POLA1: variants seen among roughly 807,000 people sequenced by gnomAD.
POLA1 encodes DNA polymerase alpha 1, catalytic subunit, also known as DNA polymerase alpha catalytic subunit.
A neutral mutation model predicts 124.0 loss-of-function variants in POLA1; 15 were observed. The ratio of observed to expected loss-of-function variants is 0.12; its 90% CI spans 0.08 to 0.19. The LOEUF is 0.19. Among genes scored for constraint, POLA1 ranks in the 10% least tolerant of loss-of-function variants. The probability of loss-of-function intolerance (pLI) is 1.00; values close to 1 mark genes in which losing one functional copy is unlikely to be tolerated. For missense variants in POLA1, 886 were observed against 1,103.4 expected, an observed-to-expected ratio of 0.80 and a Z score of 2.79; for synonymous variants, 408 against 389.4, an observed-to-expected ratio of 1.05 and a Z score of -0.56.
intron 36 of POLA1, among the ~76,000 whole-genome samples, chrX:24,971,314 T>G (rs1245180395): frequency 8.9e-6 from 1 of 112,305 alleles, no homozygotes; most frequent in East Asian, 2.8e-4. Context: ...CTGACCTGCT[T>G]TCAGTGCAGA....
chrX:24,994,431 C>T (rs1020970722), intron 36 of POLA1, among the ~76,000 whole-genome samples: 29 of 112,464 alleles, frequency 2.6e-4, no homozygotes, highest in African/African-American at 8.4e-4. Flanking sequence ...GTGAGTGGCG[C>T]GCTCTCCCCT....
At chrX:24,760,642 G>A (rs1251789768) in intron 26 of POLA1, among the ~76,000 whole-genome samples, 1 of 112,056 alleles carries the variant, frequency 8.9e-6, no homozygotes, top group Non-Finnish European at 1.9e-5. Flanking sequence ...GCTGACTGAG[G>A]GAAGACTAAT....
chrX:24,716,247 G>A, intron 6 of POLA1, 115 bp from the exon 7 acceptor site: 1 of 430,910 alleles, frequency 2.3e-6, no homozygotes, highest in African/African-American at 2.5e-5. Flanking sequence ...GGGGGAGGGG[G>A]AAAGGGAAAG....
intron 36 of POLA1, among the ~76,000 whole-genome samples, chrX:24,958,689 T>C (rs1423366182): frequency 1.8e-5 from 2 of 112,111 alleles, no homozygotes; most frequent in Non-Finnish European, 3.8e-5. Context: ...CACACACACA[T>C]ATATTCATGA....
chrX:24,991,169 CTT>C (rs759526888), intron 36 of POLA1, among the ~76,000 whole-genome samples: 2 of 102,663 alleles, frequency 1.9e-5, no homozygotes, highest in Non-Finnish European at 4.0e-5. Context: ...CAATGTGTTT[CTT>C]TTTTTTTTTT....
At chrX:24,892,654 G>A (rs1323349094) in intron 35 of POLA1, among the ~76,000 whole-genome samples, 4 of 111,402 alleles carry the variant, frequency 3.6e-5, no homozygotes, top group African/African-American at 6.5e-5. Flanking sequence ...TCTCATTATC[G>A]AACTGGGATT....
chrX:24,788,884 G>T, intron 26 of POLA1: 1 of 1,200,198 alleles, frequency 8.3e-7, no homozygotes, highest in Non-Finnish European at 1.1e-6. Context: ...TTTCCTTTTC[G>T]TAAGACTTGA....
intron 7 of POLA1, 42 bp from the exon 8 acceptor site, chrX:24,716,842 G>A (rs1929874188): frequency 2.5e-6 from 2 of 813,011 alleles, no homozygotes; most frequent in East Asian, 3.2e-5. Flanking sequence ...CATATTTTTA[G>A]TATGTAGGTC....
intron 36 of POLA1, among the ~76,000 whole-genome samples, chrX:24,978,619 G>A (rs1162127077): frequency 8.9e-6 from 1 of 112,038 alleles, no homozygotes; most frequent in Non-Finnish European, 1.9e-5. Context: ...AGGTACTGCT[G>A]TTGTCCCTAA....
At chrX:24,831,261 A>G (rs1057506721) in intron 32 of POLA1, among the ~76,000 whole-genome samples, 2 of 111,192 alleles carry the variant, frequency 1.8e-5, no homozygotes. Context: ...TACAAAAAAG[A>G]GAGTAAAGTA....
At chrX:24,959,027 G>A (rs901255762) in intron 36 of POLA1, among the ~76,000 whole-genome samples, 11 of 111,751 alleles carry the variant, frequency 9.8e-5, no homozygotes, top group Admixed American at 4.8e-4. Context: ...GTCCAGAAGT[G>A]AAGTCATTGT....
chrX:24,982,725 T>C (rs5944708), intron 36 of POLA1, among the ~76,000 whole-genome samples: 61,272 of 108,634 alleles, frequency 0.56, 14,557 homozygotes, highest in African/African-American at 0.91. Context: ...GGAATTTATC[T>C]TCTCTCCATC....
intron 34 of POLA1, among the ~76,000 whole-genome samples, chrX:24,881,998 G>GT (rs1222489710): frequency 9.0e-6 from 1 of 111,296 alleles, no homozygotes; most frequent in African/African-American, 3.3e-5. Flanking sequence ...TTTGTGGAAG[G>GT]TGTGTGATTG....
chrX:24,817,620 A>G (rs761222787), intron 30 of POLA1, among the ~76,000 whole-genome samples: 1 of 109,363 alleles, frequency 9.1e-6, no homozygotes, highest in Admixed American at 9.8e-5. Context: ...AAAAAAAAAA[A>G]AAAAAAGAAA....
chrX:24,872,702 A>T, intron 34 of POLA1, among the ~76,000 whole-genome samples: 1 of 111,592 alleles, frequency 9.0e-6, no homozygotes, highest in Non-Finnish European at 1.9e-5. Flanking sequence ...TTTGTTTTTT[A>T]AAAGGGGGTA....
At chrX:24,875,188 G>C (rs1280053484) in intron 34 of POLA1, among the ~76,000 whole-genome samples, 2 of 111,376 alleles carry the variant, frequency 1.8e-5, no homozygotes, top group Non-Finnish European at 3.8e-5. Flanking sequence ...ACAAAAGAAG[G>C]GGGGAGGAAT....
chrX:24,788,228 G>T (rs1302387868), intron 26 of POLA1, among the ~76,000 whole-genome samples: 1 of 110,974 alleles, frequency 9.0e-6, no homozygotes, highest in East Asian at 2.8e-4. Flanking sequence ...CACAATAAAG[G>T]CCATGTATGA....
intron 35 of POLA1, among the ~76,000 whole-genome samples, chrX:24,903,849 A>G (rs1485407123): frequency 9.0e-6 from 1 of 110,989 alleles, no homozygotes; most frequent in Non-Finnish European, 1.9e-5. Context: ...TGGGTGGAGC[A>G]GTTACATGGA....
In POLA1 at chrX:24,739,525, A is replaced by G. The variant is rs199701006; in HGVS notation, c.2191A>G (p.Met731Val). ...ILKTERVVIP[M>V]ENIQNMYSES... ...AAAAACTGAAAGGGTTGTAATCCCA[A>G]TGGAAAATATACAAAATATGTACAG... The change falls in exon 20 of 37, where the codon ATG becomes GTG. Residue 731 changes from methionine to valine, a missense_variant. This residue lies in a region of POLA1 where 182 missense variants were observed against 252.8 expected (regional missense o/e 0.72). Transcript: ENST00000379068. The G allele has an allele frequency of 8.9e-5, 105 of 1,173,821 alleles. No individual in the cohort carries two copies. In the East Asian group the frequency reaches 2.9e-3, roughly 33 times the overall value.
Sources: allele counts gnomAD v4.1 joint callset (sites outside exome capture counted in the v4.1 genomes callset), GRCh38; gene constraint gnomAD v4.1.1; regional missense constraint gnomAD v4.1.1; transcripts MANE v1.5; gene names NCBI Gene and HGNC (gene_info 2026-07-23, HGNC 2026-07-21).